FRMD4A: variants seen among roughly 807,000 people sequenced by gnomAD.
The protein encoded by FRMD4A is FERM domain-containing protein 4A.
Under a neutral mutation model 129.1 loss-of-function variants are expected in FRMD4A, and 29 were observed. The observed-to-expected ratio is 0.22, with a 90% CI of 0.17 to 0.31. The LOEUF is 0.31. Among genes scored for constraint, FRMD4A ranks in the 10% least tolerant of loss-of-function variants. The pLI is 1.00. For synonymous variants in FRMD4A, 634 were observed against 571.6 expected (o/e 1.11, Z -1.56); for missense variants, 1,272 against 1,375.8 (o/e 0.92, Z 1.19).
At chr10:14,096,113 C>T (rs188793189) in intron 2 of FRMD4A, among the ~76,000 whole-genome samples, 1 of 152,152 alleles carries the variant, frequency 6.6e-6, no homozygotes, top group Non-Finnish European at 1.5e-5. Flanking sequence ...ATTCCCAACA[C>T]GTGGGTATTA....
intron 2 of FRMD4A, among the ~76,000 whole-genome samples, chr10:14,038,506 C>G (rs945558511): frequency 1.3e-5 from 2 of 152,136 alleles, no homozygotes; most frequent in Non-Finnish European, 2.9e-5. Context: ...AGTCCAATTT[C>G]TCCTTAGCCT....
intron 2 of FRMD4A, among the ~76,000 whole-genome samples, chr10:13,965,679 A>T (rs2095481167): frequency 6.6e-6 from 1 of 152,254 alleles, no homozygotes; most frequent in Non-Finnish European, 1.5e-5. Flanking sequence ...AATTCTAAAA[A>T]TCTGCACAGT....
At chr10:13,911,817 C>A (rs566358866) in intron 2 of FRMD4A, among the ~76,000 whole-genome samples, 31 of 152,196 alleles carry the variant, frequency 2.0e-4, no homozygotes, top group African/African-American at 7.5e-4. Context: ...CTGCCTCGGC[C>A]TCCCAAACCG....
intron 12 of FRMD4A, among the ~76,000 whole-genome samples, chr10:13,725,483 T>C (rs963498873): frequency 6.6e-6 from 1 of 152,230 alleles, no homozygotes; most frequent in Non-Finnish European, 1.5e-5. Flanking sequence ...TCCAGATTAA[T>C]TACTCTCATG....
At chr10:13,760,074 C>T (rs950591156) in intron 8 of FRMD4A, among the ~76,000 whole-genome samples, 1 of 151,988 alleles carries the variant, frequency 6.6e-6, no homozygotes, top group African/African-American at 2.4e-5. Flanking sequence ...GATACATGAA[C>T]ATTTATATGA....
At chr10:14,229,098 G>T (rs1467897332) in intron 2 of FRMD4A, among the ~76,000 whole-genome samples, 13 of 149,830 alleles carry the variant, frequency 8.7e-5, no homozygotes, top group Admixed American at 7.3e-4. Context: ...TTTTTTTTTT[G>T]TTTGTTTTTT....
intron 2 of FRMD4A, among the ~76,000 whole-genome samples, chr10:14,144,869 T>A (rs185145797): frequency 1.3e-5 from 2 of 151,998 alleles, no homozygotes; most frequent in East Asian, 3.9e-4. Flanking sequence ...GGACTTGGGG[T>A]CAAGAGGAGT....
intron 4 of FRMD4A, among the ~76,000 whole-genome samples, chr10:13,799,644 T>C (rs1418673936): frequency 6.6e-6 from 1 of 152,168 alleles, no homozygotes; most frequent in Non-Finnish European, 1.5e-5. Flanking sequence ...GAGTACACCA[T>C]GTGTATGGCA....
intron 10 of FRMD4A, 42 bp downstream of exon 10, chr10:13,740,470 C>T (rs2090922518): frequency 2.6e-6 from 3 of 1,170,322 alleles, no homozygotes; most frequent in Non-Finnish European, 3.8e-6. Context: ...TATTAACACA[C>T]ACAAACACTG....
chr10:14,213,073 C>T (rs925872116), intron 2 of FRMD4A, among the ~76,000 whole-genome samples: 1 of 151,848 alleles, frequency 6.6e-6, no homozygotes, highest in African/African-American at 2.4e-5. Context: ...CCCATCTTTA[C>T]AAAAAATTTG....
intron 12 of FRMD4A, among the ~76,000 whole-genome samples, chr10:13,713,352 G>A (rs994552043): frequency 1.3e-5 from 2 of 152,136 alleles, no homozygotes; most frequent in African/African-American, 4.8e-5. Flanking sequence ...ACACCATGAA[G>A]CTCTGACAAT....
chr10:14,268,037 G>T (rs760304317), intron 2 of FRMD4A, among the ~76,000 whole-genome samples: 3 of 152,140 alleles, frequency 2.0e-5, no homozygotes, highest in Admixed American at 6.5e-5. Context: ...TCATGATTGT[G>T]TTGCAGGCAT....
chr10:14,104,092 A>T (rs9787431), intron 2 of FRMD4A, among the ~76,000 whole-genome samples: 98,836 of 152,012 alleles, frequency 0.65, 32,249 homozygotes, highest in East Asian at 0.78. Context: ...CCCACATTCC[A>T]CCTGCCATCG....
chr10:14,191,794 G>T (rs888874887), intron 2 of FRMD4A, among the ~76,000 whole-genome samples: 2 of 133,104 alleles, frequency 1.5e-5, no homozygotes, highest in African/African-American at 2.7e-5. Context: ...TCAACTGGCT[G>T]TTTTTTTTTT....
intron 2 of FRMD4A, among the ~76,000 whole-genome samples, chr10:13,968,236 T>C (rs2095497066): frequency 1.3e-5 from 2 of 152,138 alleles, no homozygotes; most frequent in African/African-American, 4.8e-5. Flanking sequence ...GTTTAAAAAG[T>C]TCCCTAGGTG....
At chr10:13,958,635 G>A (rs1249964019) in intron 2 of FRMD4A, among the ~76,000 whole-genome samples, 1 of 149,482 alleles carries the variant, frequency 6.7e-6, no homozygotes, top group Non-Finnish European at 1.5e-5. Context: ...GCCCAGGCTG[G>A]AGTGCAATGG....
At chr10:13,710,475 G>A (rs2087907015) in intron 12 of FRMD4A, 1 of 152,324 alleles carries the variant, frequency 6.6e-6, no homozygotes, top group Non-Finnish European at 1.5e-5. Context: ...AGCTGCCCGT[G>A]GGAAGGCCCT....
chr10:14,284,545 C>T (rs1845622310), intron 2 of FRMD4A, among the ~76,000 whole-genome samples: 1 of 152,046 alleles, frequency 6.6e-6, no homozygotes, highest in Non-Finnish European at 1.5e-5. Flanking sequence ...CTCAGCTACT[C>T]GGGAGGCTGA....
chr10:14,018,532 A>G (rs867392331), intron 2 of FRMD4A, among the ~76,000 whole-genome samples: 2 of 151,568 alleles, frequency 1.3e-5, no homozygotes, highest in African/African-American at 2.4e-5. Flanking sequence ...TATATTTTAG[A>G]TCTCATTCCA....
Sources: allele counts gnomAD v4.1 joint callset (sites outside exome capture counted in the v4.1 genomes callset), GRCh38; gene constraint gnomAD v4.1.1; transcripts MANE v1.5; gene names NCBI Gene and HGNC (gene_info 2026-07-23, HGNC 2026-07-21).